The following MSI2 variants were observed in gnomAD, a reference collection of about 807,000 sequenced individuals.
The protein encoded by MSI2 is musashi RNA binding protein 2, also known as RNA-binding protein Musashi homolog 2.
Under a neutral mutation model 45.6 loss-of-function variants are expected in MSI2, and 17 were observed. The ratio of observed to expected loss-of-function variants is 0.37; its 90% CI spans 0.26 to 0.56. The LOEUF (loss-of-function observed/expected upper bound fraction) is 0.56, where lower values mean the gene tolerates loss of function less well. Ranked by LOEUF, MSI2 falls within the 20% of genes least tolerant of loss-of-function variation. The pLI is 0.77. For synonymous variants in MSI2, 156 were observed against 158.2 expected, an observed-to-expected ratio of 0.99 and a Z score of 0.11; for missense variants, 293 against 444.2, an observed-to-expected ratio of 0.66 and a Z score of 3.06.
At chr17:57,478,796 C>T (rs2085591357) in intron 6 of MSI2, among the ~76,000 whole-genome samples, 1 of 152,188 alleles carries the variant, frequency 6.6e-6, no homozygotes, top group Non-Finnish European at 1.5e-5. Flanking sequence ...CTTTTGTTCC[C>T]CCACCATTGC....
chr17:57,631,535 A>G, intron 10 of MSI2: 1 of 443,582 alleles, frequency 2.3e-6, no homozygotes, highest in South Asian at 4.0e-5. Flanking sequence ...GTTCCTAGAG[A>G]AGGCTAGACA....
intron 7 of MSI2, among the ~76,000 whole-genome samples, chr17:57,578,143 G>A (rs1161339765): frequency 6.6e-6 from 1 of 152,146 alleles, no homozygotes; most frequent in Non-Finnish European, 1.5e-5. Context: ...TCTGCAGGGG[G>A]AAGACAAATA....
chr17:57,525,526 G>A (rs1359956240), intron 6 of MSI2, among the ~76,000 whole-genome samples: 15 of 152,204 alleles, frequency 9.9e-5, no homozygotes, highest in Non-Finnish European at 4.4e-5. Context: ...GGCCTCAAGC[G>A]ATTTTCCCAC....
rs147568697 is a variant in MSI2, at chr17:57,410,570, G to A, written c.405+9099G>A. ...AAAGTGAGCTTCTTGTAGTTAAAGAGCAAAATAAGGATTTAATTAAATTAA... is the reference window on the plus strand; with the variant it reads ...AAAGTGAGCTTCTTGTAGTTAAAGAACAAAATAAGGATTTAATTAAATTAA... On this transcript the variant is annotated intron_variant, in intron 6 of 13. Coordinates refer to ENST00000284073, the MANE Select transcript of MSI2 (RefSeq NM_138962.4). Among the ~76,000 whole-genome samples, 282 of 142,224 alleles carry A rather than the reference G, an allele frequency of 2.0e-3. 1 individual carries two copies. The highest frequency in any genetic ancestry group is 7.1e-3 in the Middle Eastern group (2 of 280). The allele number at this position is 142,224 out of a possible 152,430, so 93.3% of individuals were successfully genotyped here.
chr17:57,353,881 T>C (rs1916224213), intron 5 of MSI2, among the ~76,000 whole-genome samples: 1 of 152,058 alleles, frequency 6.6e-6, no homozygotes, highest in Admixed American at 6.6e-5. Flanking sequence ...TTTTTTTATG[T>C]GTGTAAAGGG....
chr17:57,465,793 A>G (rs1402121026), intron 6 of MSI2, among the ~76,000 whole-genome samples: 1 of 152,108 alleles, frequency 6.6e-6, no homozygotes, highest in Non-Finnish European at 1.5e-5. Context: ...CCCAAACTCT[A>G]CTTGGCAGCA....
intron 6 of MSI2, among the ~76,000 whole-genome samples, chr17:57,461,734 A>G (rs562276117): frequency 3.3e-5 from 5 of 152,140 alleles, no homozygotes; most frequent in Admixed American, 3.3e-4. Context: ...AGGTTTCACC[A>G]TGTTGGCCAG....
At chr17:57,518,248 G>A (rs1315879458) in intron 6 of MSI2, among the ~76,000 whole-genome samples, 3 of 152,114 alleles carry the variant, frequency 2.0e-5, no homozygotes, top group African/African-American at 4.8e-5. Flanking sequence ...CAGAAAGAAG[G>A]TGCAGATGGC....
At chr17:57,370,814 A>T (rs777641898) in intron 5 of MSI2, among the ~76,000 whole-genome samples, 1 of 152,222 alleles carries the variant, frequency 6.6e-6, no homozygotes, top group Non-Finnish European at 1.5e-5. Context: ...GTCAGGATGC[A>T]CAGATCCCTG....
At chr17:57,429,556 T>C (rs1311687468) in intron 6 of MSI2, among the ~76,000 whole-genome samples, 2 of 152,082 alleles carry the variant, frequency 1.3e-5, no homozygotes, top group Non-Finnish European at 2.9e-5. Flanking sequence ...TGCAGCGCAT[T>C]GAAGGTTGGC....
chr17:57,663,286 A>G (rs774133116), intron 11 of MSI2, among the ~76,000 whole-genome samples: 1 of 152,170 alleles, frequency 6.6e-6, no homozygotes, highest in Non-Finnish European at 1.5e-5. Context: ...TGTTTTGTAG[A>G]TGAGTAATTA....
At chr17:57,689,071 A>G (rs757632877), downstream of MSI2, among the ~76,000 whole-genome samples, 2 of 152,198 alleles carry the variant, frequency 1.3e-5, no homozygotes, top group Non-Finnish European at 1.5e-5. Flanking sequence ...GTGGATTTGT[A>G]TATTCAGCTG....
intron 5 of MSI2, among the ~76,000 whole-genome samples, chr17:57,311,670 C>G (rs2143609304): frequency 6.6e-6 from 1 of 152,298 alleles, no homozygotes; most frequent in African/African-American, 2.4e-5. Flanking sequence ...CCCACCTTAG[C>G]TGCCCAAGTA....
chr17:57,685,040 T>G (rs936491422), downstream of MSI2, among the ~76,000 whole-genome samples: 2 of 152,060 alleles, frequency 1.3e-5, no homozygotes, highest in African/African-American at 4.8e-5. Context: ...CCCTCCCGGG[T>G]GCTGCCCTCA....
At chr17:57,655,997 A>C (rs1911560824) in intron 11 of MSI2, among the ~76,000 whole-genome samples, 2 of 152,170 alleles carry the variant, frequency 1.3e-5, no homozygotes, top group Non-Finnish European at 2.9e-5. Flanking sequence ...GTGGGACTGA[A>C]CTAAATGCAT....
intron 5 of MSI2, chr17:57,267,247 G>A (rs953716672): frequency 6.6e-6 from 1 of 152,368 alleles, no homozygotes; most frequent in African/African-American, 2.4e-5. Flanking sequence ...GAGGACCTGG[G>A]AGGATTAGTG....
At position 57,256,817 on chromosome 17, in the gene MSI2, C is replaced by T; in HGVS notation, c.62+13C>T. ...AGCACGACCCCGGGTAAGTTTCCAG[C>T]CGCTGCCCACCGCGCCGCCTTGGGC... is the stretch of plus-strand genomic sequence containing the variant. On this transcript the variant is annotated intron_variant, in intron 1 of 13. Coordinates refer to ENST00000284073, the MANE Select transcript of MSI2 (RefSeq NM_138962.4). 1 of 1,452,674 alleles carries T rather than the reference C, an allele frequency of 6.9e-7. No individual in the cohort carries two copies. Among genetic ancestry groups the T allele is most frequent in the Non-Finnish European group, 9.1e-7 (1 of 1,104,546 alleles). 90.0% of individuals were successfully genotyped at this position (1,452,674 alleles called of 1,614,324 possible).
intron 5 of MSI2, among the ~76,000 whole-genome samples, chr17:57,302,259 C>T (rs547280111): frequency 6.6e-6 from 1 of 152,212 alleles, no homozygotes; most frequent in Non-Finnish European, 1.5e-5. Context: ...TCATTTCTTC[C>T]AGCGATTTTG....
At chr17:57,632,477 A>C in intron 10 of MSI2, 1 of 1,066,114 alleles carries the variant, frequency 9.4e-7, no homozygotes, top group Non-Finnish European at 1.1e-6. Flanking sequence ...GCCACATGAC[A>C]GGCACGGTGG....
Sources: gnomAD v4.1 joint callset for allele counts (sites outside exome capture counted in the v4.1 genomes callset) on GRCh38, gnomAD v4.1.1 for gene constraint, MANE v1.5 for transcripts, NCBI Gene and HGNC (gene_info 2026-07-23, HGNC 2026-07-21) for gene names.